MEI4: variants seen among roughly 807,000 people sequenced by gnomAD.
The protein encoded by MEI4 is meiotic double-stranded break formation protein 4.
In MEI4, 27 loss-of-function variants were observed where a neutral mutation model predicts 31.4. The observed-to-expected ratio is 0.86, with a 90% CI of 0.63 to 1.19. The LOEUF (loss-of-function observed/expected upper bound fraction) is 1.19, where lower values mean the gene tolerates loss of function less well. MEI4 is among the 50% of genes most tolerant of loss of function. MEI4 has a pLI of 0.00. For missense variants in MEI4, 329 were observed against 398.9 expected (o/e 0.82, Z 1.49); for synonymous variants, 122 against 145.4 (o/e 0.84, Z 1.16).
At chr6:77,833,300 C>T (rs1770128948) in intron 4 of MEI4, among the ~76,000 whole-genome samples, 1 of 151,958 alleles carries the variant, frequency 6.6e-6, no homozygotes, top group Non-Finnish European at 1.5e-5. Context: ...TTCTAAGGGC[C>T]TACATTGTTT....
intron 4 of MEI4, among the ~76,000 whole-genome samples, chr6:77,861,197 G>A (rs6920387): frequency 0.37 from 56,098 of 151,980 alleles, 10,946 homozygotes; most frequent in African/African-American, 0.5. Flanking sequence ...TGATTGGTTG[G>A]AGAGGCTTAG....
intron 4 of MEI4, among the ~76,000 whole-genome samples, chr6:77,868,364 T>C (rs941069239): frequency 1.1e-4 from 17 of 151,222 alleles, no homozygotes; most frequent in Admixed American, 4.0e-4. Flanking sequence ...CAAGTAAATA[T>C]GGTAGTTTTA....
intron 2 of MEI4, among the ~76,000 whole-genome samples, chr6:77,693,924 CAATA>C (rs1168828467): frequency 6.6e-6 from 1 of 152,004 alleles, no homozygotes; most frequent in Non-Finnish European, 1.5e-5. Context: ...AGAAAGTACT[CAATA>C]AATGTTGAAT....
At chr6:77,755,825 G>GGTGT (rs34181852) in intron 2 of MEI4, among the ~76,000 whole-genome samples, 3,814 of 145,232 alleles carry the variant, frequency 0.026, 79 homozygotes, top group African/African-American at 0.052. Context: ...GTGCTGGAAT[G>GGTGT]GTGTGTGTGT....
intron 3 of MEI4, among the ~76,000 whole-genome samples, chr6:77,782,489 A>G (rs549092309): frequency 3.2e-4 from 49 of 152,250 alleles, no homozygotes; most frequent in Middle Eastern, 3.4e-3. Context: ...ATTTTACACC[A>G]CAAAATACAA....
intron 4 of MEI4, among the ~76,000 whole-genome samples, chr6:77,891,302 C>T (rs1363097465): frequency 6.6e-6 from 1 of 152,162 alleles, no homozygotes; most frequent in Admixed American, 6.5e-5. Context: ...TCTGGTGTCT[C>T]ATATATCATA....
In MEI4 at chr6:77,917,340, C is replaced by T. The variant is rs1353883895; in HGVS notation, c.901-5749C>T. ...TTCTAGTTCTAGATCCCTGAGGAAT[C>T]GCCACACTGACTTCCACAATGGTTG... On this transcript the variant is annotated intron_variant, in intron 4 of 4. Coordinates refer to ENST00000684080, the MANE Select transcript of MEI4 (RefSeq NM_001322247.2). 2.1e-4 allele frequency among the ~76,000 whole-genome samples: 31 copies of T among 150,348 alleles called. No individual in the cohort carries two copies. In the East Asian group the frequency reaches 4.6e-3, roughly 22 times the overall value.
rs1239589008 is a variant in MEI4, at chr6:77,841,333, A to ATTTTT, written c.900+12290_900+12294dup. On this transcript the variant is annotated intron_variant, in intron 4 of 4. Transcript: ENST00000684080. ...TGTGTGCATATATATATATATATAT[A>ATTTTT]TTTTTTTTTTTTTTTTTTTTTTTGA... 6.1e-4 allele frequency among the ~76,000 whole-genome samples: 17 copies of ATTTTT among 27,734 alleles called. 1 individual carries two copies. The highest frequency in any genetic ancestry group is 3.6e-3 in the African/African-American group (11 of 3,074). 18.2% of individuals were successfully genotyped at this position (27,734 alleles called of 152,430 possible).
chr6:77,747,452 CAT>C (rs1767643836), intron 2 of MEI4, among the ~76,000 whole-genome samples: 1 of 152,116 alleles, frequency 6.6e-6, no homozygotes, highest in Non-Finnish European at 1.5e-5. Flanking sequence ...GGGACACAGT[CAT>C]GTGTTACATG....
chr6:77,867,108 A>T (rs1295344435), intron 4 of MEI4, among the ~76,000 whole-genome samples: 4 of 152,224 alleles, frequency 2.6e-5, no homozygotes, highest in African/African-American at 9.6e-5. Context: ...TTAGACCTAA[A>T]ACCATAAAAA....
At chr6:77,900,558 T>C (rs1766167135) in intron 4 of MEI4, among the ~76,000 whole-genome samples, 1 of 151,764 alleles carries the variant, frequency 6.6e-6, no homozygotes, top group Admixed American at 6.6e-5. Context: ...AGGCAGAATA[T>C]TTAAAAATCT....
intron 4 of MEI4, among the ~76,000 whole-genome samples, chr6:77,873,934 T>C (rs1771264362): frequency 6.6e-6 from 1 of 152,364 alleles, no homozygotes; most frequent in Admixed American, 6.5e-5. Context: ...GCATTATTTC[T>C]GAGGGCTCTG....
chr6:77,852,623 G>A (rs1770654249), intron 4 of MEI4, among the ~76,000 whole-genome samples: 1 of 144,432 alleles, frequency 6.9e-6, no homozygotes, highest in African/African-American at 2.6e-5. Flanking sequence ...AGACAGGAAA[G>A]TCCAAGATTA....
chr6:77,740,044 A>T (rs12529419), intron 2 of MEI4, among the ~76,000 whole-genome samples: 14,010 of 152,100 alleles, frequency 0.092, 937 homozygotes, highest in East Asian at 0.31. Flanking sequence ...TTTCTACCTT[A>T]ATTGCATTAT....
chr6:77,806,197 A>G (rs1045094113), intron 3 of MEI4, among the ~76,000 whole-genome samples: 18 of 152,286 alleles, frequency 1.2e-4, no homozygotes, highest in African/African-American at 4.1e-4. Context: ...CTACTTCTGC[A>G]TATTTATTGC....
chr6:77,863,849 G>A (rs185293043), intron 4 of MEI4, among the ~76,000 whole-genome samples: 340 of 152,278 alleles, frequency 2.2e-3, no homozygotes, highest in African/African-American at 7.4e-3. Context: ...GGTTACCCAC[G>A]AAGAGAAGAC....
In MEI4 at chr6:77,847,174, A is replaced by G. The variant is rs201820434; in HGVS notation, c.900+18112A>G. 3.9e-5 allele frequency among the ~76,000 whole-genome samples: 6 copies of G among 152,298 alleles called. No individual in the cohort carries two copies. In the East Asian group the frequency reaches 7.7e-4, roughly 20 times the overall value. On this transcript the variant is annotated intron_variant, in intron 4 of 4. Coordinates refer to ENST00000684080, the MANE Select transcript of MEI4 (RefSeq NM_001322247.2). This position sits in a 1 kb window ranked among gnomAD's most constrained non-coding sequence, Gnocchi z 4.6. ...AAAGATTCAGTGGTACTTTCTCTCA[A>G]TGTTCTGAAATGGTGTGTATGGAGC...
At chr6:77,705,357 T>C (rs758836716) in intron 2 of MEI4, among the ~76,000 whole-genome samples, 3 of 152,178 alleles carry the variant, frequency 2.0e-5, no homozygotes, top group Non-Finnish European at 2.9e-5. Context: ...TAAAAAGAAA[T>C]GTATTGCATA....
intron 3 of MEI4, among the ~76,000 whole-genome samples, chr6:77,790,321 G>A (rs1768884896): frequency 6.6e-6 from 1 of 151,632 alleles, no homozygotes; most frequent in Non-Finnish European, 1.5e-5. Flanking sequence ...GTTAATGGGT[G>A]CAGCACACCA....
Sources: gnomAD v4.1 joint callset for allele counts (sites outside exome capture counted in the v4.1 genomes callset) on GRCh38, gnomAD v4.1.1 for gene constraint, Gnocchi (gnomAD v3.1) non-coding constraint, MANE v1.5 for transcripts, NCBI Gene and HGNC (gene_info 2026-07-23, HGNC 2026-07-21) for gene names.